The following SLC8A1 variants were observed in gnomAD, a reference collection of about 807,000 sequenced individuals.
SLC8A1 encodes the protein solute carrier family 8 member A1, also known as sodium/calcium exchanger 1.
In SLC8A1, 18 loss-of-function variants were observed where a neutral mutation model predicts 68.3. The ratio of observed to expected loss-of-function variants is 0.26; its 90% CI spans 0.18 to 0.39. The LOEUF (loss-of-function observed/expected upper bound fraction) is 0.39. SLC8A1 is among the 10% of genes least tolerant of loss of function. The pLI is 1.00. For synonymous variants in SLC8A1, 475 were observed against 415.5 expected (o/e 1.14, Z -1.74); for missense variants, 985 against 1,156.7 (o/e 0.85, Z 2.15).
At chr2:40,104,871 T>C (rs2034100408) in exon 8 of SLC8A1, 1 of 152,202 alleles carries the variant, frequency 6.6e-6, no homozygotes, top group East Asian at 1.9e-4. Context: ...TTTTTGCTTT[T>C]TTTTTGGTTT....
At chr2:40,441,325 T>C (rs1189959745) in intron 1 of SLC8A1, among the ~76,000 whole-genome samples, 1 of 151,220 alleles carries the variant, frequency 6.6e-6, no homozygotes, top group Non-Finnish European at 1.5e-5. Flanking sequence ...GAACAATCAA[T>C]ATTGTGAAAG....
intron 2 of SLC8A1, among the ~76,000 whole-genome samples, chr2:40,411,256 T>A (rs527238010): frequency 2.0e-5 from 3 of 152,196 alleles, no homozygotes; most frequent in African/African-American, 7.2e-5. Context: ...AAGTTAATAA[T>A]AGCTAGCATA....
upstream of SLC8A1, among the ~76,000 whole-genome samples, chr2:40,455,183 C>T (rs1323455447): frequency 6.6e-6 from 1 of 152,178 alleles, no homozygotes; most frequent in Non-Finnish European, 1.5e-5. Context: ...TGTTAGCAAA[C>T]TCATTTTCAG....
At chr2:40,176,374 CCTT>C (rs1397154715) in intron 3 of SLC8A1, among the ~76,000 whole-genome samples, 1 of 152,168 alleles carries the variant, frequency 6.6e-6, no homozygotes, top group Non-Finnish European at 1.5e-5. Context: ...AGATGCTCCT[CCTT>C]GAGATAAAGT....
At chr2:40,211,712 C>A (rs1359814121) in intron 2 of SLC8A1, among the ~76,000 whole-genome samples, 1 of 152,166 alleles carries the variant, frequency 6.6e-6, no homozygotes, top group Admixed American at 6.5e-5. Flanking sequence ...TTCTGGAAAT[C>A]TGGACTTGGA....
intron 7 of SLC8A1, among the ~76,000 whole-genome samples, chr2:40,118,689 G>T (rs945329846): frequency 7.5e-6 from 1 of 133,826 alleles, no homozygotes. Flanking sequence ...TGAGGCAGGA[G>T]AAAGCAGCTT....
intron 1 of SLC8A1, among the ~76,000 whole-genome samples, chr2:40,447,727 G>A (rs1227182522): frequency 1.3e-5 from 2 of 152,080 alleles, no homozygotes; most frequent in African/African-American, 4.8e-5. Context: ...TTCTAATTGT[G>A]AAAGTTTCAG....
intron 2 of SLC8A1, among the ~76,000 whole-genome samples, chr2:40,318,176 C>G (rs1173932839): frequency 6.6e-6 from 1 of 151,976 alleles, no homozygotes; most frequent in African/African-American, 2.4e-5. Flanking sequence ...GTGGTAAAAA[C>G]AAAAAGTCAT....
chr2:40,500,163 C>T (rs1323183812), intron 1 of SLC8A1, among the ~76,000 whole-genome samples: 1 of 151,972 alleles, frequency 6.6e-6, no homozygotes, highest in Admixed American at 6.6e-5. Context: ...AACAACAAAA[C>T]CCCCAGGATT....
intron 2 of SLC8A1, among the ~76,000 whole-genome samples, chr2:40,329,060 TCACACACACACACACACA>T (rs70957170): frequency 3.5e-5 from 5 of 141,144 alleles, no homozygotes; most frequent in South Asian, 2.3e-4. Flanking sequence ...CACTACAACC[TCACACACACACACACACA>T]CACACACACA....
intron 2 of SLC8A1, among the ~76,000 whole-genome samples, chr2:40,326,460 G>C (rs2149358070): frequency 6.6e-6 from 1 of 151,210 alleles, no homozygotes; most frequent in East Asian, 2.0e-4. Context: ...AAAAAAAAAT[G>C]GTGAAGAAAG....
At chr2:40,496,155 G>C (rs1001351832) in intron 1 of SLC8A1, among the ~76,000 whole-genome samples, 1 of 152,012 alleles carries the variant, frequency 6.6e-6, no homozygotes, top group African/African-American at 2.4e-5. Flanking sequence ...TCAAACTTCA[G>C]ATGCCATCTG....
chr2:40,159,220 T>A (rs1460231061), intron 6 of SLC8A1, among the ~76,000 whole-genome samples: 2 of 152,222 alleles, frequency 1.3e-5, no homozygotes, highest in African/African-American at 4.8e-5. Flanking sequence ...AAATATACTT[T>A]ACTTTAATGT....
chr2:40,262,916 C>T (rs537884466), intron 2 of SLC8A1, among the ~76,000 whole-genome samples: 126 of 152,270 alleles, frequency 8.3e-4, no homozygotes, highest in African/African-American at 2.9e-3. Context: ...GATGAAGTGG[C>T]CACAGAGGTA....
At chr2:40,161,551 T>A (rs1204582591) in intron 5 of SLC8A1, among the ~76,000 whole-genome samples, 1 of 152,208 alleles carries the variant, frequency 6.6e-6, no homozygotes, top group Non-Finnish European at 1.5e-5. Flanking sequence ...GGCACTGTGC[T>A]GCATACCCCT....
At chr2:40,249,009 G>A (rs1486957117) in intron 2 of SLC8A1, among the ~76,000 whole-genome samples, 2 of 152,170 alleles carry the variant, frequency 1.3e-5, no homozygotes, top group Non-Finnish European at 2.9e-5. Context: ...TTGAGAACAG[G>A]ATGACGTGCT....
chr2:40,433,112 T>G (rs1443674675), intron 1 of SLC8A1, among the ~76,000 whole-genome samples: 6 of 152,138 alleles, frequency 3.9e-5, no homozygotes. Context: ...ATCATTCCAT[T>G]CTTCACGTTT....
At chr2:40,304,264 G>A (rs2072132960) in intron 2 of SLC8A1, among the ~76,000 whole-genome samples, 1 of 152,106 alleles carries the variant, frequency 6.6e-6, no homozygotes, top group Admixed American at 6.5e-5. Flanking sequence ...TTTAATTAGA[G>A]TTTTAGTCCA....
chr2:40,224,522 C>T (rs1009206308), intron 2 of SLC8A1, among the ~76,000 whole-genome samples: 1 of 152,088 alleles, frequency 6.6e-6, no homozygotes, highest in African/African-American at 2.4e-5. Context: ...GAGGTTCACA[C>T]ACCTCATCTG....
Sources: gnomAD v4.1 joint callset for allele counts (sites outside exome capture counted in the v4.1 genomes callset) on GRCh38, gnomAD v4.1.1 for gene constraint, MANE v1.5 for transcripts, NCBI Gene and HGNC (gene_info 2026-07-23, HGNC 2026-07-21) for gene names.